SGCZ: variants seen among roughly 807,000 people sequenced by gnomAD.
SGCZ encodes sarcoglycan zeta.
Under a neutral mutation model 41.3 loss-of-function variants are expected in SGCZ, and 40 were observed. The ratio of observed to expected loss-of-function variants is 0.97; its 90% CI spans 0.75 to 1.26. The LOEUF is 1.26. Among genes scored for constraint, SGCZ ranks in the 50% most tolerant of loss-of-function variants. The pLI is 0.00. For missense variants in SGCZ, 552 were observed against 369.8 expected (o/e 1.49, Z -4.04); for synonymous variants, 206 against 137.5 (o/e 1.50, Z -3.49).
At chr8:14,696,356 T>C (rs1808962936) in intron 1 of SGCZ, among the ~76,000 whole-genome samples, 1 of 152,052 alleles carries the variant, frequency 6.6e-6, no homozygotes, top group African/African-American at 2.4e-5. Context: ...CCTGACTGAG[T>C]GAGACTGGGA....
At chr8:14,553,624 GCTCC>G (rs1563406580) in intron 2 of SGCZ, among the ~76,000 whole-genome samples, 2 of 152,032 alleles carry the variant, frequency 1.3e-5, no homozygotes, top group African/African-American at 2.4e-5. Context: ...GCCCGCACAG[GCTCC>G]TTGCTCACAT....
chr8:15,131,233 T>C (rs1326038713), intron 1 of SGCZ, among the ~76,000 whole-genome samples: 1 of 152,158 alleles, frequency 6.6e-6, no homozygotes, highest in Non-Finnish European at 1.5e-5. Flanking sequence ...AAGGGCCCAG[T>C]GGGAGATAAC....
chr8:14,871,066 G>A lies in SGCZ; in HGVS notation c.40-316140C>T, dbSNP rs144814887. Reference sequence around the variant, plus strand: ...CTACTAAAAATACAAAATTAGGTGGGTGTGGTGGCGCATGCCTGTAATCCC... The same window carrying A: ...CTACTAAAAATACAAAATTAGGTGGATGTGGTGGCGCATGCCTGTAATCCC... On this transcript the variant is annotated intron_variant, in intron 1 of 7. Transcript: ENST00000382080. Among the ~76,000 whole-genome samples the A allele has an allele frequency of 4.1e-3, 623 of 152,226 alleles. 4 individuals carry two copies. The highest frequency in any genetic ancestry group is 0.018 in the South Asian group (86 of 4,818).
chr8:14,224,669 T>C (rs1038940641), intron 4 of SGCZ, among the ~76,000 whole-genome samples: 3 of 152,284 alleles, frequency 2.0e-5, no homozygotes, highest in South Asian at 4.1e-4. Context: ...ACAGAAAAGC[T>C]TTTATTGTGT....
chr8:15,028,883 G>C (rs1803554031), intron 1 of SGCZ, among the ~76,000 whole-genome samples: 1 of 152,004 alleles, frequency 6.6e-6, no homozygotes, highest in African/African-American at 2.4e-5. Context: ...TATTCATTTA[G>C]AATATATTCA....
intron 1 of SGCZ, among the ~76,000 whole-genome samples, chr8:15,194,796 T>C (rs1393298091): frequency 2.6e-5 from 4 of 151,674 alleles, no homozygotes; most frequent in African/African-American, 9.8e-5. Flanking sequence ...GCAGCCCTGC[T>C]GAAAACCCGA....
intron 1 of SGCZ, among the ~76,000 whole-genome samples, chr8:15,126,949 G>C (rs1000053297): frequency 2.0e-5 from 3 of 152,196 alleles, no homozygotes; most frequent in African/African-American, 7.2e-5. Context: ...ATGGTCTAAA[G>C]AGACAGCCCT....
intron 2 of SGCZ, among the ~76,000 whole-genome samples, chr8:14,419,022 A>G (rs1799570448): frequency 6.6e-6 from 1 of 151,980 alleles, no homozygotes; most frequent in Admixed American, 6.6e-5. Flanking sequence ...CTGTGTGTTA[A>G]TATTACATAT....
intron 2 of SGCZ, among the ~76,000 whole-genome samples, chr8:14,419,629 T>G (rs1443760451): frequency 6.6e-6 from 1 of 152,018 alleles, no homozygotes; most frequent in African/African-American, 2.4e-5. Context: ...ATTTCTTAAT[T>G]TAATGGCAAC....
At chr8:14,697,928 T>TCC (rs1382613262) in intron 1 of SGCZ, among the ~76,000 whole-genome samples, 1 of 152,000 alleles carries the variant, frequency 6.6e-6, no homozygotes, top group Admixed American at 6.6e-5. Context: ...TATGTTAGAA[T>TCC]CCCACAGCTA....
At chr8:14,671,524 A>T (rs901766860) in intron 1 of SGCZ, among the ~76,000 whole-genome samples, 9 of 152,206 alleles carry the variant, frequency 5.9e-5, no homozygotes, top group African/African-American at 2.2e-4. Context: ...ACACAATTAA[A>T]TTTCAAGAAG....
intron 2 of SGCZ, among the ~76,000 whole-genome samples, chr8:14,440,971 G>T (rs185440541): frequency 6.6e-6 from 1 of 152,084 alleles, no homozygotes; most frequent in African/African-American, 2.4e-5. Flanking sequence ...TGAAGGATAG[G>T]CTTTGAAAAG....
At chr8:15,171,280 A>G (rs1799821125) in intron 1 of SGCZ, among the ~76,000 whole-genome samples, 1 of 152,364 alleles carries the variant, frequency 6.6e-6, no homozygotes, top group Non-Finnish European at 1.5e-5. Flanking sequence ...TGTGCAGGGT[A>G]AAAGAATCCA....
chr8:14,253,637 ACTT>A (rs1799362582), intron 3 of SGCZ, among the ~76,000 whole-genome samples: 2 of 152,232 alleles, frequency 1.3e-5, no homozygotes, highest in South Asian at 4.1e-4. Context: ...TCTAATGAGA[ACTT>A]CTAGTAAATT....
rs192852215 is a variant in SGCZ at position 14,506,360 on chromosome 8, T to A, written c.234+48372A>T. ...TTTGTACATTAGCTCCCGTTTCCTCTTAGCCACTCAAAGACATAGCTCCAG... is the reference window on the plus strand; with the variant it reads ...TTTGTACATTAGCTCCCGTTTCCTCATAGCCACTCAAAGACATAGCTCCAG... On this transcript the variant is annotated intron_variant, in intron 2 of 7. Transcript: ENST00000382080. Among the ~76,000 whole-genome samples the A allele has an allele frequency of 3.2e-3, 482 of 152,290 alleles. 4 individuals are homozygous for A. Among genetic ancestry groups the A allele is most frequent in the African/African-American group, 0.01 (427 of 41,566 alleles).
intron 1 of SGCZ, among the ~76,000 whole-genome samples, chr8:14,593,462 T>C (rs915769255): frequency 2.6e-5 from 4 of 152,110 alleles, no homozygotes; most frequent in African/African-American, 9.7e-5. Flanking sequence ...AGTCACTAAG[T>C]TTGTAGTAAT....
At chr8:14,331,274 T>A (rs74378102) in intron 2 of SGCZ, among the ~76,000 whole-genome samples, 1,911 of 152,158 alleles carry the variant, frequency 0.013, 40 homozygotes, top group African/African-American at 0.039. Context: ...GCTATTAATT[T>A]TTAAATCTAT....
chr8:14,988,343 C>CT (rs980551841), intron 1 of SGCZ, among the ~76,000 whole-genome samples: 4 of 150,898 alleles, frequency 2.7e-5, no homozygotes, highest in African/African-American at 7.3e-5. Context: ...ACCATACTTT[C>CT]TTTTTTTTTA....
At chr8:14,831,338 T>G (rs1802519615) in intron 1 of SGCZ, among the ~76,000 whole-genome samples, 1 of 152,184 alleles carries the variant, frequency 6.6e-6, no homozygotes, top group Non-Finnish European at 1.5e-5. Context: ...AAGAGGACTA[T>G]ACTTATTCCC....
Sources: gnomAD v4.1 joint callset for allele counts (sites outside exome capture counted in the v4.1 genomes callset) on GRCh38, gnomAD v4.1.1 for gene constraint, MANE v1.5 for transcripts, NCBI Gene and HGNC (gene_info 2026-07-23, HGNC 2026-07-21) for gene names.